TMEM119: variants seen among roughly 807,000 people sequenced by gnomAD.
TMEM119 encodes osteoblast induction factor.
For missense variants in TMEM119, 410 were observed against 381.0 expected (o/e 1.08, Z -0.63); for synonymous variants, 182 against 176.4 (o/e 1.03, Z -0.25).
In TMEM119 at chr12:108,591,679, C is replaced by T. The variant is rs370682335; in HGVS notation, c.705G>A (p.Pro235=). 2.5e-5 allele frequency: 40 copies of T among 1,613,826 alleles called. 1 individual carries two copies. Among genetic ancestry groups the T allele is most frequent in the Middle Eastern group, 1.6e-4 (1 of 6,078 alleles). The stretch of plus-strand genomic sequence containing the variant: ...CAGCCCCCTCAAGGACCCCTGAGCA[C>T]GGCTCCTCCTGCGCCTCTGGTGTCT... ...PVETPEAQEE[P]CSGVLEGAVV... is the part of the protein sequence containing the mutation. Residue 235 remains proline (P), a synonymous_variant, in exon 2 of 2, where the codon CCG becomes CCA. Transcript: ENST00000392806. The surrounding 1 kb of genome is among the most constrained non-coding windows in gnomAD (Gnocchi z 4.2).
At chr12:108,593,848 C>A (rs1273961653) in intron 1 of TMEM119, among the ~76,000 whole-genome samples, 2 of 152,244 alleles carry the variant, frequency 1.3e-5, no homozygotes, top group African/African-American at 2.4e-5. Flanking sequence ...GCTGCTCAAA[C>A]CCAGGGACAA....
At chr12:108,596,512 TGA>T (rs961637405) in intron 1 of TMEM119, among the ~76,000 whole-genome samples, 8 of 152,130 alleles carry the variant, frequency 5.3e-5, no homozygotes, top group Admixed American at 5.2e-4. Context: ...TCTTTAAGGC[TGA>T]GACCCTGACT....
chr12:108,594,982 CGGGTA>C, intron 1 of TMEM119, among the ~76,000 whole-genome samples: 1 of 152,128 alleles, frequency 6.6e-6, no homozygotes, highest in African/African-American at 2.4e-5. Context: ...GCTTTCCTCG[CGGGTA>C]CTCATCTAAG....
In TMEM119 at chr12:108,590,921, T is replaced by C. The variant is rs2031380775; in HGVS notation, c.*611A>G. The C allele has an allele frequency of 6.6e-6, 1 of 152,280 alleles. No individual in the cohort carries two copies. Among genetic ancestry groups the C allele is most frequent in the Non-Finnish European group, 1.5e-5 (1 of 68,064 alleles). 9.4% of individuals were successfully genotyped at this position (152,280 alleles called of 1,614,324 possible). On this transcript the variant is annotated 3_prime_UTR_variant, in exon 2 of 2. Transcript: ENST00000392806. ...CCATTTGCAGTTTCAAAATACTGCT[T>C]CACGCCAGGCTGCATGTTGCCTTAC...
rs2031409523 is a variant in TMEM119 at position 108,591,897 on chromosome 12, C to T, written c.487G>A (p.Glu163Lys). Residue 163 changes from glutamate to lysine, a missense_variant, in exon 2 of 2, where the codon GAG becomes AAG. Physicochemically the swap from Glu to Lys is moderately conservative, Grantham distance 56. Transcript: ENST00000392806. This position sits in a 1 kb window ranked among gnomAD's most constrained non-coding sequence, Gnocchi z 4.2. The stretch of plus-strand genomic sequence containing the variant: ...TGCCGGGAGGAATCCAGGGCTTCCT[C>T]GGGCCTGCTGTCGGGGGCTCTGTCG... ...VPDRAPDSRPEEALDSSRQLQ... is the reference protein window; with the variant it reads ...VPDRAPDSRPKEALDSSRQLQ... The T allele has an allele frequency of 8.1e-6, 13 of 1,612,200 alleles. No individual in the cohort carries two copies. Among genetic ancestry groups the T allele is most frequent in the Admixed American group, 1.7e-5 (1 of 59,946 alleles).
intron 1 of TMEM119, chr12:108,594,558 A>AAAAAAAAAAAAAG (rs1555210337): frequency 6.6e-6 from 1 of 151,162 alleles, no homozygotes; most frequent in Non-Finnish European, 1.5e-5. Context: ...GTCAAAAAAA[A>AAAAAAAAAAAAAG]AAAGAAAGAA....
At chr12:108,596,154 A>G (rs767924990) in intron 1 of TMEM119, among the ~76,000 whole-genome samples, 7 of 152,150 alleles carry the variant, frequency 4.6e-5, no homozygotes, top group Non-Finnish European at 8.8e-5. Context: ...CCGAGGAAAG[A>G]TAGGGTCTGG....
At chr12:108,594,881 C>T (rs1178467217) in intron 1 of TMEM119, among the ~76,000 whole-genome samples, 1 of 152,088 alleles carries the variant, frequency 6.6e-6, no homozygotes, top group African/African-American at 2.4e-5. Context: ...AAGGAAACCT[C>T]CATCTCTATG....
At chr12:108,593,513 T>C (rs1407602215) in intron 1 of TMEM119, among the ~76,000 whole-genome samples, 1 of 151,284 alleles carries the variant, frequency 6.6e-6, no homozygotes, top group Non-Finnish European at 1.5e-5. Flanking sequence ...GCAGGGGTCA[T>C]GGATGCCAGG....
Position 108,590,014 on chromosome 12 carries a change from T to C in TMEM119, c.*1518A>G, listed in dbSNP as rs2031359493. Reference sequence around the variant, plus strand: ...GCTCCCTGTCGAGGACTGACGAATATTGTGGACACAGGCTGCCAGACAATG... The same window carrying C: ...GCTCCCTGTCGAGGACTGACGAATACTGTGGACACAGGCTGCCAGACAATG... On this transcript the variant is annotated 3_prime_UTR_variant, in exon 2 of 2. Coordinates refer to ENST00000392806, the MANE Select transcript of TMEM119 (RefSeq NM_181724.3). 1 of 152,176 alleles carries C rather than the reference T, an allele frequency of 6.6e-6. No homozygotes were observed. Among genetic ancestry groups the C allele is most frequent in the East Asian group, 1.9e-4 (1 of 5,182 alleles). The allele number at this position is 152,176 out of a possible 1,614,324, so 9.4% of individuals were successfully genotyped here. A position where few individuals can be genotyped will look rare whatever the true frequency, so the allele number is the denominator to read the frequency against.
Position 108,591,795 on chromosome 12 carries a change from C to T in TMEM119, c.589G>A (p.Ala197Thr), listed in dbSNP as rs376565149. ...TRAALGGGDG[A>T]RMVEGRGAEE... is the part of the protein sequence containing the mutation. The stretch of plus-strand genomic sequence containing the variant: ...GCGCCCCTGCCCTCCACCATCCTGG[C>T]TCCGTCCCCACCGCCCAGTGCAGCC... Residue 197 changes from alanine (A) to threonine (T), a missense_variant, in exon 2 of 2, where the codon GCC becomes ACC. Physicochemically the swap from Ala to Thr is moderately conservative, Grantham distance 58. Coordinates refer to ENST00000392806, the MANE Select transcript of TMEM119 (RefSeq NM_181724.3). This position sits in a 1 kb window ranked among gnomAD's most constrained non-coding sequence, Gnocchi z 4.2. The T allele has an allele frequency of 8.8e-6, 14 of 1,592,420 alleles. No individual in the cohort carries two copies. The East Asian group carries it at 2.2e-4, about 25-fold the overall frequency.
intron 1 of TMEM119, chr12:108,594,014 A>AAGGCAAAGGGC (rs1174309444): frequency 2.0e-5 from 3 of 152,374 alleles, no homozygotes; most frequent in African/African-American, 7.2e-5. Flanking sequence ...AGGCCCGGAG[A>AAGGCAAAGGGC]AGGCAAAGGG....
In TMEM119 at chr12:108,592,098, T is replaced by C. The variant is rs2136740464; in HGVS notation, c.286A>G (p.Met96Val). 1 of 1,614,136 alleles carries C rather than the reference T, an allele frequency of 6.2e-7. No homozygotes were observed. ...AGGGAGCCCACCACAGCAATCAGCA[T>C]CACGTACTGGCGGAAGAAGTCCACT... ...GIVDFFRQYV[M>V]LIAVVGSLAF... Residue 96 changes from methionine to valine, a missense_variant, in exon 2 of 2, where the codon ATG (methionine) becomes GTG (valine). Physicochemically the swap from Met to Val is conservative, Grantham distance 21. Coordinates refer to ENST00000392806, the MANE Select transcript of TMEM119 (RefSeq NM_181724.3). The surrounding 1 kb of genome is among the most constrained non-coding windows in gnomAD (Gnocchi z 4.3).
chr12:108,596,358 C>T (rs1423284991), intron 1 of TMEM119, among the ~76,000 whole-genome samples: 1 of 151,916 alleles, frequency 6.6e-6, no homozygotes, highest in East Asian at 1.9e-4. Flanking sequence ...AATGCAGAAC[C>T]AAACACACAC....
intron 1 of TMEM119, among the ~76,000 whole-genome samples, chr12:108,597,435 G>T (rs2031521375): frequency 6.6e-6 from 1 of 151,252 alleles, no homozygotes; most frequent in South Asian, 2.1e-4. Context: ...GGGGAGGGGG[G>T]TCCTGGGGGC....
In TMEM119 at chr12:108,592,876, G is replaced by A. The variant is rs1182251941; in HGVS notation, c.-14-479C>T. Reference sequence around the variant, plus strand: ...GGACGTGGTGACTTGCCAGGGAAGAGCTGGGTCTGGATCCAAGCAGAGAGG... The same window carrying A: ...GGACGTGGTGACTTGCCAGGGAAGAACTGGGTCTGGATCCAAGCAGAGAGG... On this transcript the variant is annotated intron_variant, in intron 1 of 1. Coordinates refer to ENST00000392806, the MANE Select transcript of TMEM119 (RefSeq NM_181724.3). The surrounding 1 kb of genome is among the most constrained non-coding windows in gnomAD (Gnocchi z 4.3). 1.3e-5 allele frequency among the ~76,000 whole-genome samples: 2 copies of A among 152,052 alleles called. No individual in the cohort carries two copies. Among genetic ancestry groups the A allele is most frequent in the Non-Finnish European group, 2.9e-5 (2 of 68,016 alleles).
intron 1 of TMEM119, among the ~76,000 whole-genome samples, chr12:108,596,659 C>G (rs936949483): frequency 6.6e-6 from 1 of 152,236 alleles, no homozygotes; most frequent in African/African-American, 2.4e-5. Context: ...CGGCCCCTGC[C>G]CTCTCTGGGC....
chr12:108,593,083 C>A (rs1238451188), intron 1 of TMEM119, among the ~76,000 whole-genome samples: 1 of 152,188 alleles, frequency 6.6e-6, no homozygotes, highest in East Asian at 1.9e-4. Flanking sequence ...CTCCGCGCGG[C>A]CACAACCTGG....
At chr12:108,596,072 T>G (rs2031499790) in intron 1 of TMEM119, among the ~76,000 whole-genome samples, 1 of 152,180 alleles carries the variant, frequency 6.6e-6, no homozygotes, top group Non-Finnish European at 1.5e-5. Context: ...TGACCACAGG[T>G]AGCACCTCTC....
Sources: allele counts gnomAD v4.1 joint callset (sites outside exome capture counted in the v4.1 genomes callset), GRCh38; gene constraint gnomAD v4.1.1; non-coding constraint Gnocchi (gnomAD v3.1); transcripts MANE v1.5; gene names NCBI Gene and HGNC (gene_info 2026-07-23, HGNC 2026-07-21).